The following ZNF579 variants were observed in gnomAD, a reference collection of about 807,000 sequenced individuals.
ZNF579 encodes the protein zinc finger protein 579.
ZNF579 carries 3 observed loss-of-function variants against 5.7 expected under a neutral mutation model. The ratio of observed to expected loss-of-function variants is 0.53; its 90% CI spans 0.24 to 1.36. The LOEUF (loss-of-function observed/expected upper bound fraction) is 1.36, where lower values mean the gene tolerates loss of function less well. Among genes scored for constraint, ZNF579 ranks in the 40% most tolerant of loss-of-function variants. The probability of loss-of-function intolerance (pLI) is 0.16; values close to 1 mark genes in which losing one functional copy is unlikely to be tolerated. For synonymous variants in ZNF579, 454 were observed against 409.0 expected (o/e 1.11, Z -1.33); for missense variants, 679 against 877.6 (o/e 0.77, Z 2.86).
chr19:55,577,605 T>C lies in ZNF579; in HGVS notation c.*346A>G. ...CTTTGCTCACTGGGGACCCCCAGGG[T>C]CTGGCAGTTCCAAAGAGGTGATGGT... On this transcript the variant is annotated 3_prime_UTR_variant, in exon 2 of 2. Coordinates refer to ENST00000325421, the MANE Select transcript of ZNF579 (RefSeq NM_152600.3). 2.9e-6 allele frequency: 1 copy of C among 345,570 alleles called. No homozygotes were observed. The highest frequency in any genetic ancestry group is 5.4e-6 in the Non-Finnish European group (1 of 186,604). 21.4% of individuals were successfully genotyped at this position (345,570 alleles called of 1,614,324 possible).
Position 55,579,534 on chromosome 19 carries a change from C to G in ZNF579, c.106G>C (p.Gly36Arg), listed in dbSNP as rs1052934194. The stretch of plus-strand genomic sequence containing the variant: ...AGGGGCGCCCTAGGGGCTCCAGCGC[C>G]CCCCCTGCCACGGCCACGGCCCCGA... The part of the protein sequence containing the change: ...RGRGRGRGRG[G>R]AGAPRAPLPC... The change falls in exon 2 of 2, where the codon GGC becomes CGC. Residue 36 changes from glycine (G) to arginine (R), a missense_variant. Coordinates refer to ENST00000325421, the MANE Select transcript of ZNF579 (RefSeq NM_152600.3). The G allele has an allele frequency of 1.4e-6, 2 of 1,449,222 alleles. No homozygotes were observed. Among genetic ancestry groups the G allele is most frequent in the Non-Finnish European group, 1.8e-6 (2 of 1,107,590 alleles). 89.8% of individuals were successfully genotyped at this position (1,449,222 alleles called of 1,614,324 possible).
Position 55,577,919 on chromosome 19 carries a change from A to T in ZNF579, c.*32T>A. The T allele has an allele frequency of 6.4e-7, 1 of 1,559,014 alleles. No homozygotes were observed. Among genetic ancestry groups the T allele is most frequent in the South Asian group, 1.2e-5 (1 of 84,882 alleles). On this transcript the variant is annotated 3_prime_UTR_variant, in exon 2 of 2. Coordinates refer to ENST00000325421, the MANE Select transcript of ZNF579 (RefSeq NM_152600.3). The stretch of plus-strand genomic sequence containing the variant: ...CTCCATTCTGCAAACCGGGGAGCTC[A>T]GGCGGAGCGGCGGAGGGCAGGGCGG...
In ZNF579 at chr19:55,578,805, A is replaced by G; in HGVS notation, c.835T>C (p.Phe279Leu). The change falls in exon 2 of 2, where the codon TTC becomes CTC. Residue 279 changes from phenylalanine to leucine, a missense_variant. Coordinates refer to ENST00000325421, the MANE Select transcript of ZNF579 (RefSeq NM_152600.3). ...RHQCSICLKAFARPWSLSRHR... is the reference protein window; with the variant it reads ...RHQCSICLKALARPWSLSRHR... ...CGCGACAGGGACCAGGGCCTGGCGA[A>G]GGCCTTGAGGCAGATGGAGCACTGG... 1 of 1,601,552 alleles carries G rather than the reference A, an allele frequency of 6.2e-7. No homozygotes were observed. Among genetic ancestry groups the G allele is most frequent in the Non-Finnish European group, 8.5e-7 (1 of 1,173,782 alleles).
Position 55,578,329 on chromosome 19 carries a change from G to A in ZNF579, c.1311C>T (p.Gly437=). The A allele has an allele frequency of 1.5e-6, 2 of 1,360,966 alleles. No homozygotes were observed. Among genetic ancestry groups the A allele is most frequent in the East Asian group, 3.4e-5 (1 of 29,574 alleles). The allele number at this position is 1,360,966 out of a possible 1,614,324, so 84.3% of individuals were successfully genotyped here. ...AGCGGGGGCACGGGTGCGGGGCTGGGCCCCCCGCGTGCACCTGTGCGTGGC... is the reference window on the plus strand; with the variant it reads ...AGCGGGGGCACGGGTGCGGGGCTGGACCCCCCGCGTGCACCTGTGCGTGGC... ...LARHAQVHAG[G]PAPHPCPRCP... Residue 437 remains glycine (G), a synonymous_variant, in exon 2 of 2, where the codon GGC becomes GGT. Transcript: ENST00000325421.
chr19:55,579,096 G>C lies in ZNF579; in HGVS notation c.544C>G (p.Leu182Val), dbSNP rs753774890. 2 of 1,527,966 alleles carry C rather than the reference G, an allele frequency of 1.3e-6. No individual in the cohort carries two copies. The highest frequency in any genetic ancestry group is 2.4e-5 in the South Asian group (2 of 83,414). 94.7% of individuals were successfully genotyped at this position (1,527,966 alleles called of 1,614,324 possible). A position where few individuals can be genotyped will look rare whatever the true frequency, so the allele number is the denominator to read the frequency against. Residue 182 changes from leucine (L) to valine (V), a missense_variant, in exon 2 of 2, where the codon CTG becomes GTG. Transcript: ENST00000325421. ...ETWPAGEPST[L>V]AAPTSAAEPR... is the part of the protein sequence containing the mutation. ...TCCGCGGCGCTGGTGGGCGCAGCCA[G>C]CGTGGAAGGCTCCCCCGCAGGCCAC... is the stretch of plus-strand genomic sequence containing the variant.
chr19:55,580,601 C>T (rs1171838249), intron 1 of ZNF579, among the ~76,000 whole-genome samples, 194 bp downstream of exon 1: 2 of 147,528 alleles, frequency 1.4e-5, no homozygotes, highest in Non-Finnish European at 3.0e-5. Context: ...GACTGAGGGC[C>T]GGACCCCTGG....
rs188794000 is a variant in ZNF579 at position 55,577,909 on chromosome 19, C to G, written c.*42G>C. The G allele has an allele frequency of 1.4e-3, 2,211 of 1,551,316 alleles. 26 individuals are homozygous for G. The African/African-American group carries it at 0.026, about 19-fold the overall frequency. On this transcript the variant is annotated 3_prime_UTR_variant, in exon 2 of 2. Coordinates refer to ENST00000325421, the MANE Select transcript of ZNF579 (RefSeq NM_152600.3). ...AACTTCCCTCCTCCATTCTGCAAAC[C>G]GGGGAGCTCAGGCGGAGCGGCGGAG...
chr19:55,578,578 C>G lies in ZNF579; in HGVS notation c.1062G>C (p.Gly354=), dbSNP rs201511539. ...NSAKGPEGGE[G]AECGGASEGG... is the part of the protein sequence containing the mutation. The stretch of plus-strand genomic sequence containing the variant: ...CTTCCGAGGCACCCCCGCACTCCGC[C>G]CCCTCGCCCCCCTCCGGCCCCTTGG... The change falls in exon 2 of 2, where the codon GGG becomes GGC. Residue 354 remains glycine, a synonymous_variant. Coordinates refer to ENST00000325421, the MANE Select transcript of ZNF579 (RefSeq NM_152600.3). 2.1e-5 allele frequency: 31 copies of G among 1,456,900 alleles called. No individual in the cohort carries two copies. The highest frequency in any genetic ancestry group is 2.7e-5 in the Non-Finnish European group (30 of 1,113,250). 90.2% of individuals were successfully genotyped at this position (1,456,900 alleles called of 1,614,324 possible). A position where few individuals can be genotyped will look rare whatever the true frequency, so the allele number is the denominator to read the frequency against.
chr19:55,579,139 G>C lies in ZNF579; in HGVS notation c.501C>G (p.Val167=). ...AAAGATEEEA[V]AAWPETWPAG... ...CAGGCCACGTCTCAGGCCACGCTGC[G>C]ACCGCCTCCTCCTCCGTGGCCCCTG... The change falls in exon 2 of 2, where the codon GTC becomes GTG. Residue 167 remains valine (V), a synonymous_variant. Transcript: ENST00000325421. 1 of 1,525,186 alleles carries C rather than the reference G, an allele frequency of 6.6e-7. No individual in the cohort carries two copies. The allele number at this position is 1,525,186 out of a possible 1,614,324, so 94.5% of individuals were successfully genotyped here.
At position 55,578,350 on chromosome 19, in the gene ZNF579, G is replaced by A. The variant is rs773899824; in HGVS notation, c.1290C>T (p.His430=). Residue 430 remains histidine (H), a synonymous_variant, in exon 2 of 2, where the codon CAC becomes CAT. Transcript: ENST00000325421. ...CTGGGCCCCCCGCGTGCACCTGTGC[G>A]TGGCGCGCCAGGTCGGCCAGGCGCT... The part of the protein sequence containing the change: ...EFKRLADLAR[H]AQVHAGGPAP... 4.2e-6 allele frequency: 6 copies of A among 1,430,754 alleles called. No homozygotes were observed. The Admixed American group carries it at 1.5e-4, about 35-fold the overall frequency. The allele number at this position is 1,430,754 out of a possible 1,614,324, so 88.6% of individuals were successfully genotyped here.
In ZNF579 at chr19:55,578,679, C is replaced by T. The variant is rs925493700; in HGVS notation, c.961G>A (p.Gly321Ser). 8 of 1,552,902 alleles carry T rather than the reference C, an allele frequency of 5.2e-6. No individual in the cohort carries two copies. Among genetic ancestry groups the T allele is most frequent in the South Asian group, 1.2e-5 (1 of 83,128 alleles). The change falls in exon 2 of 2, where the codon GGC becomes AGC. Residue 321 changes from glycine (G) to serine (S), a missense_variant. Transcript: ENST00000325421. ...SYLRQHRRVHGPLSLLAPLPA... is the reference protein window; with the variant it reads ...SYLRQHRRVHSPLSLLAPLPA... ...AGCGGGGCCAGCAGGCTGAGGGGGC[C>T]GTGGACGCGGCGGTGCTGGCGGAGG...
Position 55,578,587 on chromosome 19 carries a change from C to T in ZNF579, c.1053G>A (p.Gly351=). Residue 351 remains glycine, a synonymous_variant, in exon 2 of 2, where the codon GGG becomes GGA. Transcript: ENST00000325421. The stretch of plus-strand genomic sequence containing the variant: ...CACCCCCGCACTCCGCCCCCTCGCC[C>T]CCCTCCGGCCCCTTGGCTGAGTTCC... The part of the protein sequence containing the change: ...GARNSAKGPE[G]GEGAECGGAS... 1.3e-6 allele frequency: 2 copies of T among 1,487,038 alleles called. No homozygotes were observed. Among genetic ancestry groups the T allele is most frequent in the Non-Finnish European group, 1.8e-6 (2 of 1,129,662 alleles). The allele number at this position is 1,487,038 out of a possible 1,614,324, so 92.1% of individuals were successfully genotyped here.
rs1188627418 is a variant in ZNF579, at chr19:55,578,178, G to C, written c.1462C>G (p.Pro488Ala). Residue 488 changes from proline (P) to alanine (A), a missense_variant, in exon 2 of 2, where the codon CCG (proline) becomes GCG (alanine). Coordinates refer to ENST00000325421, the MANE Select transcript of ZNF579 (RefSeq NM_152600.3). ...TCCTGCTCGGCCTTCAGGGGCGGCG[G>C]GGGCGGTGGCGGCGACGTCGGGGCC... ...AQAPTSPPPP[P>A]PPLKAEQEEE... 1 of 1,500,372 alleles carries C rather than the reference G, an allele frequency of 6.7e-7. No homozygotes were observed. Among genetic ancestry groups the C allele is most frequent in the South Asian group, 1.3e-5 (1 of 75,908 alleles). The allele number at this position is 1,500,372 out of a possible 1,614,324, so 92.9% of individuals were successfully genotyped here. A position where few individuals can be genotyped will look rare whatever the true frequency, so the allele number is the denominator to read the frequency against.
chr19:55,579,755 G>A (rs1979584257), intron 1 of ZNF579, 114 bp from the exon 2 acceptor site: 1 of 1,189,614 alleles, frequency 8.4e-7, no homozygotes, highest in Non-Finnish European at 1.1e-6. Context: ...AGAGGGTCAG[G>A]TATTTAGCCA....
At position 55,578,306 on chromosome 19, in the gene ZNF579, CG is replaced by C; in HGVS notation, c.1333del (p.Arg445AlafsTer47). On this transcript the variant is annotated frameshift_variant, in exon 2 of 2. Transcript: ENST00000325421. LOFTEE classifies it high-confidence loss of function. ...AGGPAPHPCPRCPRRFSRAYS... is the reference protein window; with the variant it reads ...AGGPAPHPCPXCPRRFSRAYS... ...GGCGCGCGAGAAGCGGCGCGGGCAG[CG>C]GGGGCACGGGTGCGGGGCTGGGCCC... is the stretch of plus-strand genomic sequence containing the variant. 3 of 1,294,018 alleles carry C rather than the reference CG, an allele frequency of 2.3e-6. No homozygotes were observed. The highest frequency in any genetic ancestry group is 2.9e-6 in the Non-Finnish European group (3 of 1,024,612). 80.2% of individuals were successfully genotyped at this position (1,294,018 alleles called of 1,614,324 possible).
chr19:55,579,695 G>C, intron 1 of ZNF579, 54 bp from the exon 2 acceptor site: 1 of 1,361,550 alleles, frequency 7.3e-7, no homozygotes, highest in East Asian at 3.1e-5. Context: ...AAAGAGGTGC[G>C]TGGGGTGTGG....
At chr19:55,580,659 G>A (rs1454006284) in intron 1 of ZNF579, 136 bp downstream of exon 1, 1 of 152,304 alleles carries the variant, frequency 6.6e-6, no homozygotes, top group African/African-American at 2.4e-5. Context: ...GTCCTAGAGG[G>A]GGGCCGATCT....
Position 55,578,577 on chromosome 19 carries a change from C to A in ZNF579, c.1063G>T (p.Ala355Ser). ...SAKGPEGGEG[A>S]ECGGASEGGE... is the part of the protein sequence containing the mutation. ...CCTTCCGAGGCACCCCCGCACTCCG[C>A]CCCCTCGCCCCCCTCCGGCCCCTTG... The change falls in exon 2 of 2, where the codon GCG becomes TCG. Residue 355 changes from alanine (A) to serine (S), a missense_variant. Physicochemically the swap from Ala to Ser is moderately conservative, Grantham distance 99 (BLOSUM62 1). Around this residue, in one of 6 missense-constraint regions of ZNF579, gnomAD observed 114 missense variants for 98.9 expected, o/e 1.15. Coordinates refer to ENST00000325421, the MANE Select transcript of ZNF579 (RefSeq NM_152600.3). The A allele has an allele frequency of 4.8e-6, 7 of 1,454,322 alleles. No individual in the cohort carries two copies. Among genetic ancestry groups the A allele is most frequent in the Non-Finnish European group, 6.3e-6 (7 of 1,111,890 alleles). 90.1% of individuals were successfully genotyped at this position (1,454,322 alleles called of 1,614,324 possible).
rs890372321 is a variant in ZNF579 at position 55,579,537 on chromosome 19, C to T, written c.103G>A (p.Gly35Arg). 6.9e-7 allele frequency: 1 copy of T among 1,458,812 alleles called. No homozygotes were observed. Among genetic ancestry groups the T allele is most frequent in the African/African-American group, 1.5e-5 (1 of 66,756 alleles). The allele number at this position is 1,458,812 out of a possible 1,614,324, so 90.4% of individuals were successfully genotyped here. ...GRGRGRGRGR[G>R]GAGAPRAPLP... is the part of the protein sequence containing the mutation. Reference sequence around the variant, plus strand: ...GGCGCCCTAGGGGCTCCAGCGCCCCCCCTGCCACGGCCACGGCCCCGACCA... The same window carrying T: ...GGCGCCCTAGGGGCTCCAGCGCCCCTCCTGCCACGGCCACGGCCCCGACCA... Residue 35 changes from glycine (G) to arginine (R), a missense_variant, in exon 2 of 2, where the codon GGG becomes AGG. By Grantham distance (125) the Gly-to-Arg change is moderately radical (BLOSUM62 -2). This residue lies in a region of ZNF579 where 134 missense variants were observed against 208.9 expected (regional missense o/e 0.64). Transcript: ENST00000325421.
Sources: allele counts gnomAD v4.1 joint callset (sites outside exome capture counted in the v4.1 genomes callset), GRCh38; gene constraint gnomAD v4.1.1; regional missense constraint gnomAD v4.1.1; transcripts MANE v1.5; gene names NCBI Gene and HGNC (gene_info 2026-07-23, HGNC 2026-07-21).